Variants in AGMO observed in about 807,000 individuals in gnomAD.
AGMO encodes alkylglycerol monooxygenase.
In AGMO, 75 loss-of-function variants were observed where a neutral mutation model predicts 60.2. That is an observed-to-expected ratio of 1.25 (90% CI 1.03 to 1.51). The LOEUF (loss-of-function observed/expected upper bound fraction) is 1.51, where lower values mean the gene tolerates loss of function less well. Among genes scored for constraint, AGMO ranks in the 40% most tolerant of loss-of-function variants. The pLI is 0.00. For synonymous variants in AGMO, 261 were observed against 177.1 expected, an observed-to-expected ratio of 1.47 and a Z score of -3.76; for missense variants, 763 against 525.5, an observed-to-expected ratio of 1.45 and a Z score of -4.42.
chr7:15,276,316 C>T (rs369714071), intron 12 of AGMO, among the ~76,000 whole-genome samples: 10 of 152,000 alleles, frequency 6.6e-5, no homozygotes, highest in East Asian at 5.8e-4. Flanking sequence ...ACAAAAGTAT[C>T]GACTGGCATT....
chr7:15,540,092 C>T (rs1784586421), intron 3 of AGMO, among the ~76,000 whole-genome samples: 1 of 152,120 alleles, frequency 6.6e-6, no homozygotes, highest in Admixed American at 6.6e-5. Flanking sequence ...TTCAATGTTA[C>T]AGAAGTAGCA....
intron 4 of AGMO, 87 bp downstream of exon 4, chr7:15,430,918 G>GTTTGTT (rs1554271339): frequency 2.7e-6 from 1 of 366,502 alleles, no homozygotes; most frequent in Admixed American, 4.9e-5. Context: ...CCTTCTATTA[G>GTTTGTT]TTTTTTTTTT....
At chr7:15,179,204 C>T in the AGMO span, among the ~76,000 whole-genome samples, 1 of 152,168 alleles carries the variant, frequency 6.6e-6, no homozygotes, top group South Asian at 2.1e-4. Context: ...AGTCGGGAGC[C>T]ATCACAATAG....
At chr7:15,448,068 T>G (rs1202239387) in intron 3 of AGMO, among the ~76,000 whole-genome samples, 1 of 152,146 alleles carries the variant, frequency 6.6e-6, no homozygotes, top group Non-Finnish European at 1.5e-5. Flanking sequence ...GTGTAGGGAT[T>G]TGACTTTGGT....
At chr7:15,344,888 C>T (rs1563099199) in intron 12 of AGMO, among the ~76,000 whole-genome samples, 2 of 152,114 alleles carry the variant, frequency 1.3e-5, no homozygotes, top group Non-Finnish European at 1.5e-5. Context: ...TCTATCACAT[C>T]AGTTAGATTT....
chr7:15,549,164 A>T (rs1251869478), intron 2 of AGMO, among the ~76,000 whole-genome samples: 20 of 146,772 alleles, frequency 1.4e-4, no homozygotes, highest in Admixed American at 9.6e-4. Flanking sequence ...CTCCTGAAGG[A>T]AGCGCTAAAC....
At chr7:15,383,707 C>T (rs890161097) in intron 10 of AGMO, among the ~76,000 whole-genome samples, 4 of 151,962 alleles carry the variant, frequency 2.6e-5, no homozygotes, top group African/African-American at 7.3e-5. Context: ...TAGACTCATG[C>T]CTATCAATAA....
chr7:15,193,295 T>C, the AGMO span, among the ~76,000 whole-genome samples: 2 of 152,228 alleles, frequency 1.3e-5, no homozygotes, highest in East Asian at 1.9e-4. Flanking sequence ...ACATATGTCA[T>C]AGCTCTTGTA....
chr7:15,462,747 C>T (rs185079889), intron 3 of AGMO, among the ~76,000 whole-genome samples: 29 of 152,218 alleles, frequency 1.9e-4, no homozygotes, highest in Admixed American at 1.6e-3. Flanking sequence ...ATGAAAACTT[C>T]ATATATGCAA....
At chr7:15,458,071 G>A (rs1297076295) in intron 3 of AGMO, among the ~76,000 whole-genome samples, 3 of 152,152 alleles carry the variant, frequency 2.0e-5, no homozygotes, top group African/African-American at 7.2e-5. Flanking sequence ...ATTTACCAAA[G>A]TAGCTATTTT....
chr7:15,516,504 T>C (rs901365088), intron 3 of AGMO, among the ~76,000 whole-genome samples: 1 of 152,162 alleles, frequency 6.6e-6, no homozygotes, highest in Admixed American at 6.6e-5. Context: ...TTTAAAAAGA[T>C]GAAAAAGAAA....
At chr7:15,435,542 A>G (rs1401457835) in intron 3 of AGMO, among the ~76,000 whole-genome samples, 1 of 152,110 alleles carries the variant, frequency 6.6e-6, no homozygotes, top group Admixed American at 6.5e-5. Flanking sequence ...TGTCTATTCA[A>G]AATTTGTGCC....
At chr7:15,558,583 C>G (rs1477786986) in intron 2 of AGMO, among the ~76,000 whole-genome samples, 1 of 151,978 alleles carries the variant, frequency 6.6e-6, no homozygotes, top group Non-Finnish European at 1.5e-5. Context: ...AATTCTTATT[C>G]ATGATAATCT....
At chr7:15,289,536 C>G (rs1256276749) in intron 12 of AGMO, among the ~76,000 whole-genome samples, 2 of 151,114 alleles carry the variant, frequency 1.3e-5, no homozygotes, top group Non-Finnish European at 2.9e-5. Flanking sequence ...TATATATTAT[C>G]TCCAAAAAAG....
intron 5 of AGMO, among the ~76,000 whole-genome samples, chr7:15,404,679 A>G (rs1360178744): frequency 2.6e-5 from 4 of 151,812 alleles, no homozygotes; most frequent in Non-Finnish European, 5.9e-5. Flanking sequence ...CAAAACTCCA[A>G]TCCACAGTCT....
chr7:15,240,349 C>T (rs1210220753), intron 12 of AGMO, among the ~76,000 whole-genome samples: 4 of 152,074 alleles, frequency 2.6e-5, no homozygotes, highest in Admixed American at 2.6e-4. Context: ...TTTAATTGAG[C>T]TTTTGTGTTT....
At chr7:15,393,699 G>A (rs1784246048) in intron 6 of AGMO, among the ~76,000 whole-genome samples, 1 of 152,068 alleles carries the variant, frequency 6.6e-6, no homozygotes, top group African/African-American at 2.4e-5. Flanking sequence ...GTTGTTTATT[G>A]GGCTCTCCTT....
intron 12 of AGMO, among the ~76,000 whole-genome samples, chr7:15,283,320 T>C (rs1295498945): frequency 6.6e-6 from 1 of 152,036 alleles, no homozygotes; most frequent in African/African-American, 2.4e-5. Context: ...AAACCAAATA[T>C]GTGCTGTCTT....
chr7:15,231,747 G>A (rs1782265962), intron 12 of AGMO, among the ~76,000 whole-genome samples: 1 of 152,108 alleles, frequency 6.6e-6, no homozygotes, highest in South Asian at 2.1e-4. Context: ...CGTTCTGTGA[G>A]GGTAAAATGA....
Sources: allele counts gnomAD v4.1 joint callset (sites outside exome capture counted in the v4.1 genomes callset), GRCh38; gene constraint gnomAD v4.1.1; transcripts MANE v1.5; gene names NCBI Gene and HGNC (gene_info 2026-07-23, HGNC 2026-07-21).